ANKRD36: variants seen among roughly 807,000 people sequenced by gnomAD.
ANKRD36 encodes the protein ankyrin repeat domain-containing protein 36A.
ANKRD36 carries 179 observed loss-of-function variants against 278.1 expected under a neutral mutation model. The ratio of observed to expected loss-of-function variants is 0.64; its 90% CI spans 0.57 to 0.73. The LOEUF (loss-of-function observed/expected upper bound fraction) is 0.73. ANKRD36 is among the 30% of genes least tolerant of loss of function. The probability of loss-of-function intolerance (pLI) is 0.00; values close to 1 mark genes in which losing one functional copy is unlikely to be tolerated. For synonymous variants in ANKRD36, 320 were observed against 641.1 expected (o/e 0.50, Z 7.57); for missense variants, 1,159 against 1,956.7 (o/e 0.59, Z 7.69).
intron 22 of ANKRD36, among the ~76,000 whole-genome samples, chr2:97,172,928 C>G (rs1484101497): frequency 2.6e-5 from 4 of 151,678 alleles, no homozygotes; most frequent in East Asian, 1.9e-4. Flanking sequence ...GAAAATGTTT[C>G]TGTTCCATAT....
rs533793660 is a variant in ANKRD36, at chr2:97,113,900, C to A, written c.161C>A (p.Thr54Lys). 2.5e-6 allele frequency: 4 copies of A among 1,612,912 alleles called. No homozygotes were observed. In the South Asian group the frequency reaches 3.3e-5, roughly 13 times the overall value. Residue 54 changes from threonine (T) to lysine (K), a missense_variant, in exon 1 of 76, where the codon ACG becomes AAG. Physicochemically the swap from Thr to Lys is moderately conservative, Grantham distance 78 (BLOSUM62 -1). Transcript: ENST00000420699. ...GAGAAACTGAAGTACCTTCTGCTCA[C>A]GTATTATGACGCCAATAAGAGAGAC... The part of the protein sequence containing the change: ...NLEKLKYLLL[T>K]YYDANKRDRK...
intron 6 of ANKRD36, among the ~76,000 whole-genome samples, chr2:97,138,873 G>T (rs2042174024): frequency 1.3e-5 from 2 of 152,064 alleles, no homozygotes. Context: ...AAACTGGCTA[G>T]CCTTATGCAG....
At chr2:97,228,645 G>C (rs2070791488) in intron 67 of ANKRD36, among the ~76,000 whole-genome samples, 1 of 151,432 alleles carries the variant, frequency 6.6e-6, no homozygotes, top group Non-Finnish European at 1.5e-5. Flanking sequence ...CTTCAGTTCT[G>C]TTCTGATTTT....
intron 67 of ANKRD36, among the ~76,000 whole-genome samples, chr2:97,226,759 G>T (rs1484250943): frequency 6.6e-6 from 1 of 151,430 alleles, no homozygotes; most frequent in Non-Finnish European, 1.5e-5. Context: ...ATGGTTTTAG[G>T]TCTAACGTTT....
At chr2:97,192,054 G>C (rs1430848427) in intron 36 of ANKRD36, among the ~76,000 whole-genome samples, 2 of 151,688 alleles carry the variant, frequency 1.3e-5, no homozygotes, top group Admixed American at 1.3e-4. Flanking sequence ...AAGTCCTAGA[G>C]TGATCATTTT....
At chr2:97,150,893 C>CT (rs2045780634) in intron 12 of ANKRD36, among the ~76,000 whole-genome samples, 1 of 134,506 alleles carries the variant, frequency 7.4e-6, no homozygotes. Flanking sequence ...TTTCTTTCCC[C>CT]CTCTCTCTCT....
chr2:97,204,322 C>T, intron 50 of ANKRD36, 59 bp downstream of exon 50: 1 of 1,492,990 alleles, frequency 6.7e-7, no homozygotes, highest in South Asian at 1.3e-5. Flanking sequence ...AAGTTCTCTT[C>T]CCTGAATAAA....
chr2:97,129,965 G>A (rs965581858), intron 6 of ANKRD36, among the ~76,000 whole-genome samples: 3 of 151,846 alleles, frequency 2.0e-5, no homozygotes, highest in East Asian at 1.9e-4. Flanking sequence ...CTCTTTTTTC[G>A]TTCCATATGA....
chr2:97,228,023 C>T (rs574967004), intron 67 of ANKRD36, among the ~76,000 whole-genome samples: 636 of 152,074 alleles, frequency 4.2e-3, no homozygotes, highest in African/African-American at 0.015. Flanking sequence ...TGATGTGCTG[C>T]TGGATTTGGT....
chr2:97,161,199 A>G (rs956664819), intron 17 of ANKRD36, among the ~76,000 whole-genome samples: 1 of 152,292 alleles, frequency 6.6e-6, no homozygotes, highest in Non-Finnish European at 1.5e-5. Flanking sequence ...CTCAAATTTG[A>G]CAGGTCTCAA....
chr2:97,128,412 G>A (rs1464400489), intron 6 of ANKRD36, among the ~76,000 whole-genome samples: 2 of 151,524 alleles, frequency 1.3e-5, no homozygotes, highest in Non-Finnish European at 2.9e-5. Context: ...AAAAAAGTGA[G>A]AATTTTAAGG....
Position 97,211,757 on chromosome 2 carries a change from C to G in ANKRD36, c.3469+16C>G, listed in dbSNP as rs1357765868. The G allele has an allele frequency of 1.9e-6, 3 of 1,566,126 alleles. No individual in the cohort carries two copies. Among genetic ancestry groups the G allele is most frequent in the Admixed American group, 3.8e-5 (2 of 52,948 alleles). ...TCTGGGACAGGTAATTTTGCAAACA[C>G]ATTTAATATGATGTTCGGTCAGGGT... On this transcript the variant is annotated intron_variant, in intron 58 of 75. Transcript: ENST00000420699.
rs2034128605 is a variant in ANKRD36, at chr2:97,113,460, T to C, written c.-280T>C. The C allele has an allele frequency of 6.2e-6, 3 of 484,966 alleles. No individual in the cohort carries two copies. Among genetic ancestry groups the C allele is most frequent in the East Asian group, 4.4e-5 (1 of 22,680 alleles). 30.0% of individuals were successfully genotyped at this position (484,966 alleles called of 1,614,324 possible). On this transcript the variant is annotated 5_prime_UTR_variant, in exon 1 of 76. Transcript: ENST00000420699. ...CCTCGCGCTCCAGGGAGCCCCGCCCTCCCGCGGCACCTCCGCAGCAACCGC... is the reference window on the plus strand; with the variant it reads ...CCTCGCGCTCCAGGGAGCCCCGCCCCCCCGCGGCACCTCCGCAGCAACCGC...
chr2:97,176,619 A>G (rs1400706385), intron 22 of ANKRD36, among the ~76,000 whole-genome samples: 2 of 148,162 alleles, frequency 1.3e-5, no homozygotes, highest in Non-Finnish European at 1.5e-5. Context: ...CATTTAGTCC[A>G]TTTACATTTA....
At chr2:97,197,811 C>G (rs1347627125) in intron 42 of ANKRD36, among the ~76,000 whole-genome samples, 1 of 151,842 alleles carries the variant, frequency 6.6e-6, no homozygotes, top group East Asian at 1.9e-4. Flanking sequence ...GGTGCCAAGA[C>G]TGGATGAAGA....
At chr2:97,140,737 C>T (rs1010167961) in intron 6 of ANKRD36, among the ~76,000 whole-genome samples, 3 of 151,790 alleles carry the variant, frequency 2.0e-5, no homozygotes, top group Admixed American at 6.6e-5. Flanking sequence ...TGGGATTGTA[C>T]GAATGTCACA....
At chr2:97,178,439 C>G (rs1246096492) in intron 22 of ANKRD36, among the ~76,000 whole-genome samples, 2 of 151,734 alleles carry the variant, frequency 1.3e-5, no homozygotes, top group Admixed American at 6.6e-5. Flanking sequence ...AAATGTCCAA[C>G]AATGATAGAC....
At chr2:97,166,616 A>G (rs1240221710) in intron 20 of ANKRD36, among the ~76,000 whole-genome samples, 1 of 151,188 alleles carries the variant, frequency 6.6e-6, no homozygotes, top group Non-Finnish European at 1.5e-5. Context: ...TCTGATGAGG[A>G]AACCTGAGAA....
chr2:97,192,995 G>A lies in ANKRD36; in HGVS notation c.2391G>A (p.Glu797=), dbSNP rs2153570551. The change falls in exon 38 of 76, where the codon GAG becomes GAA. Residue 797 remains glutamate, a synonymous_variant. Coordinates refer to ENST00000420699, the MANE Select transcript of ANKRD36 (RefSeq NM_001354587.1). The stretch of plus-strand genomic sequence containing the variant: ...ATTCCATTCAGGCTACAAGTGACGA[G>A]GAAGGTTCTGTTTTGAGTATAGCCA... ...KPPALTATSD[E]EGSVLSIARE... The A allele has an allele frequency of 6.3e-7, 1 of 1,579,854 alleles. No homozygotes were observed. The highest frequency in any genetic ancestry group is 8.6e-7 in the Non-Finnish European group (1 of 1,162,824).
Sources: gnomAD v4.1 joint callset for allele counts (sites outside exome capture counted in the v4.1 genomes callset) on GRCh38, gnomAD v4.1.1 for gene constraint, MANE v1.5 for transcripts, NCBI Gene and HGNC (gene_info 2026-07-23, HGNC 2026-07-21) for gene names.